SDR16C5: variants seen among roughly 807,000 people sequenced by gnomAD.
SDR16C5 encodes the protein epidermal retinol dehydrogenase 2.
SDR16C5 carries 20 observed loss-of-function variants against 27.7 expected under a neutral mutation model. The observed-to-expected ratio is 0.72, with a 90% CI of 0.51 to 1.05. SDR16C5 has a LOEUF of 1.05. Ranked by LOEUF, SDR16C5 falls within the 50% of genes least tolerant of loss-of-function variation. SDR16C5 has a pLI of 0.00. For synonymous variants in SDR16C5, 139 were observed against 132.3 expected (o/e 1.05, Z -0.35); for missense variants, 374 against 366.3 (o/e 1.02, Z -0.17).
chr8:56,317,152 T>C (rs1020638749), intron 1 of SDR16C5, among the ~76,000 whole-genome samples: 5 of 152,140 alleles, frequency 3.3e-5, no homozygotes, highest in Admixed American at 1.3e-4. Context: ...TCATCTATAT[T>C]GGTCCCGTGG....
intron 1 of SDR16C5, 26 bp from the exon 2 acceptor site, chr8:56,316,387 A>T: frequency 6.9e-7 from 1 of 1,442,700 alleles, no homozygotes; most frequent in South Asian, 1.2e-5. Flanking sequence ...GATTCACATG[A>T]AGACTTATTT....
In SDR16C5 at chr8:56,301,550, A is replaced by G; in HGVS notation, c.860T>C (p.Leu287Pro). ...LKSFLPLKTG[L>P]LIADYLGILH... ...GATGCCCAAATAGTCAGCTATAAGC[A>G]GTCCTGTCTTGAGGGGCAAAAAGCT... The change falls in exon 7 of 7, where the codon CTG (leucine) becomes CCG (proline). Residue 287 changes from leucine to proline, a missense_variant. By Grantham distance (98) the Leu-to-Pro change is moderately conservative. Transcript: ENST00000303749. 1 of 1,614,122 alleles carries G rather than the reference A, an allele frequency of 6.2e-7. No homozygotes were observed. Among genetic ancestry groups the G allele is most frequent in the East Asian group, 2.2e-5 (1 of 44,888 alleles).
chr8:56,305,984 A>C (rs981587528), intron 5 of SDR16C5, among the ~76,000 whole-genome samples: 1 of 152,230 alleles, frequency 6.6e-6, no homozygotes, highest in Non-Finnish European at 1.5e-5. Context: ...ATATTAAACA[A>C]ATATTCCAAA....
chr8:56,319,594 G>C lies in SDR16C5; in HGVS notation c.-15+465C>G, dbSNP rs547624870. ...CCATACCAGTGCGCGGCAGCAAGTC[G>C]GCTCTGGTGAGGGCACCCGGACGAA... On this transcript the variant is annotated intron_variant, in intron 1 of 6. Coordinates refer to ENST00000303749, the MANE Select transcript of SDR16C5 (RefSeq NM_138969.4). Among the ~76,000 whole-genome samples, 330 of 152,298 alleles carry C rather than the reference G, an allele frequency of 2.2e-3. 1 individual carries two copies. Among genetic ancestry groups the C allele is most frequent in the African/African-American group, 7.9e-3 (327 of 41,564 alleles).
intron 2 of SDR16C5, among the ~76,000 whole-genome samples, chr8:56,313,407 G>A (rs1419802193): frequency 6.6e-6 from 1 of 152,194 alleles, no homozygotes; most frequent in Non-Finnish European, 1.5e-5. Context: ...TGACTTGGTT[G>A]CTATGTGAAG....
chr8:56,305,966 G>A (rs981349549), intron 5 of SDR16C5, among the ~76,000 whole-genome samples: 2 of 152,036 alleles, frequency 1.3e-5, no homozygotes, highest in African/African-American at 2.4e-5. Context: ...ATACATATAC[G>A]TGAAACCATA....
At chr8:56,315,215 AG>A (rs1202217179) in intron 2 of SDR16C5, among the ~76,000 whole-genome samples, 16 of 151,220 alleles carry the variant, frequency 1.1e-4, no homozygotes, top group African/African-American at 3.9e-4. Context: ...ATTGCACTCC[AG>A]TCTGGGCAAC....
chr8:56,305,812 T>G (rs1018287864), intron 5 of SDR16C5, 90 bp from the exon 6 acceptor site: 2 of 1,309,868 alleles, frequency 1.5e-6, no homozygotes, highest in Non-Finnish European at 2.1e-6. Flanking sequence ...TAAAAGGTTT[T>G]AAGACGTTAT....
chr8:56,310,133 AGGG>A (rs1443157324), intron 3 of SDR16C5, among the ~76,000 whole-genome samples: 5 of 67,496 alleles, frequency 7.4e-5, no homozygotes, highest in South Asian at 5.9e-4. Flanking sequence ...GAGGAGGAGG[AGGG>A]AGGAGGAGGA....
At chr8:56,315,868 T>C (rs1393706560) in intron 2 of SDR16C5, 147 bp downstream of exon 2, 2 of 636,940 alleles carry the variant, frequency 3.1e-6, no homozygotes, top group East Asian at 5.3e-5. Flanking sequence ...TTGCATACAA[T>C]AAGAATTCAA....
At chr8:56,314,367 A>C (rs1815133289) in intron 2 of SDR16C5, among the ~76,000 whole-genome samples, 1 of 152,186 alleles carries the variant, frequency 6.6e-6, no homozygotes, top group African/African-American at 2.4e-5. Context: ...ATAAGCTAGT[A>C]ATATGACATG....
chr8:56,316,702 A>G (rs1319116178), intron 1 of SDR16C5, among the ~76,000 whole-genome samples: 3 of 152,254 alleles, frequency 2.0e-5, no homozygotes, highest in Non-Finnish European at 4.4e-5. Context: ...GCCTTTCTTC[A>G]TAATAATAAT....
chr8:56,301,584 C>T lies in SDR16C5; in HGVS notation c.837-11G>A. ...TTGAGGGGCAAAAAGCTAAAGAGAACACAAGAATAAACTTTCTTTATTATC... is the reference window on the plus strand; with the variant it reads ...TTGAGGGGCAAAAAGCTAAAGAGAATACAAGAATAAACTTTCTTTATTATC... On this transcript the variant is annotated splice_polypyrimidine_tract_variant and intron_variant, in intron 6 of 6. Transcript: ENST00000303749. 6.3e-7 allele frequency: 1 copy of T among 1,595,624 alleles called. No individual in the cohort carries two copies. The highest frequency in any genetic ancestry group is 8.6e-7 in the Non-Finnish European group (1 of 1,163,670).
intron 1 of SDR16C5, among the ~76,000 whole-genome samples, chr8:56,319,057 T>C (rs1415122254): frequency 6.7e-6 from 1 of 150,040 alleles, no homozygotes; most frequent in African/African-American, 2.5e-5. Flanking sequence ...AACCAGTTTA[T>C]ATAGGTAAAG....
At chr8:56,307,445 T>G (rs1814914449) in intron 4 of SDR16C5, among the ~76,000 whole-genome samples, 8 of 152,254 alleles carry the variant, frequency 5.3e-5, no homozygotes, top group Admixed American at 5.2e-4. Flanking sequence ...ACAAAACATC[T>G]GACTATTCAG....
At chr8:56,310,698 C>T (rs1815024068) in intron 3 of SDR16C5, among the ~76,000 whole-genome samples, 1 of 142,834 alleles carries the variant, frequency 7.0e-6, no homozygotes, top group Non-Finnish European at 1.5e-5. Context: ...AGCCTGGCGG[C>T]AAAGTGATAC....
rs754938857 is a variant in SDR16C5, at chr8:56,316,172, T to G, written c.176A>C (p.Gln59Pro). Reference sequence around the variant, plus strand: ...AAGAACAGATCCCAGCCGGGCAAACTGCAAGGCTAAGAGCCTTCCGAGTCC... The same window carrying G: ...AAGAACAGATCCCAGCCGGGCAAACGGCAAGGCTAAGAGCCTTCCGAGTCC... ...GSGLGRLLAL[Q>P]FARLGSVLVL... is the part of the protein sequence containing the mutation. Residue 59 changes from glutamine to proline, a missense_variant, in exon 2 of 7, where the codon CAG becomes CCG. Coordinates refer to ENST00000303749, the MANE Select transcript of SDR16C5 (RefSeq NM_138969.4). The G allele has an allele frequency of 5.0e-6, 8 of 1,614,112 alleles. No homozygotes were observed. The highest frequency in any genetic ancestry group is 6.8e-6 in the Non-Finnish European group (8 of 1,179,968).
Position 56,312,259 on chromosome 8 carries a change from G to A in SDR16C5, c.363C>T (p.Ile121=), listed in dbSNP as rs747716608. 12 of 1,613,592 alleles carry A rather than the reference G, an allele frequency of 7.4e-6. No individual in the cohort carries two copies. Among genetic ancestry groups the A allele is most frequent in the Admixed American group, 3.3e-5 (2 of 60,002 alleles). ...QVKKEVGDVS[I]LINNAGIVTG... ...TTACGATTCCGGCATTGTTGATTAG[G>A]ATGGAAACATCGCCGACTTCTTTTT... The change falls in exon 3 of 7, where the codon ATC becomes ATT. Residue 121 remains isoleucine (I), a synonymous_variant. Transcript: ENST00000303749.
rs541253517 is a variant in SDR16C5, at chr8:56,319,338, T to A, written c.-15+721A>T. On this transcript the variant is annotated intron_variant, in intron 1 of 6. Coordinates refer to ENST00000303749, the MANE Select transcript of SDR16C5 (RefSeq NM_138969.4). Reference sequence around the variant, plus strand: ...CAGGCACAGAATGACAGCAAAATAATTAATGGCTAGAACTTCCACTGGTCC... The same window carrying A: ...CAGGCACAGAATGACAGCAAAATAAATAATGGCTAGAACTTCCACTGGTCC... 1.8e-4 allele frequency among the ~76,000 whole-genome samples: 28 copies of A among 152,314 alleles called. 1 individual carries two copies. In the East Asian group the frequency reaches 5.0e-3, roughly 27 times the overall value.
Sources: gnomAD v4.1 joint callset for allele counts (sites outside exome capture counted in the v4.1 genomes callset) on GRCh38, gnomAD v4.1.1 for gene constraint, MANE v1.5 for transcripts, NCBI Gene and HGNC (gene_info 2026-07-23, HGNC 2026-07-21) for gene names.